Variants in GRID2 observed in about 807,000 individuals in gnomAD.
GRID2 encodes glutamate ionotropic receptor delta type subunit 2.
Under a neutral mutation model 114.8 loss-of-function variants are expected in GRID2, and 33 were observed. The observed-to-expected ratio is 0.29, with a 90% CI of 0.22 to 0.38. The LOEUF (loss-of-function observed/expected upper bound fraction) is 0.38. GRID2 is among the 10% of genes least tolerant of loss of function. GRID2 has a pLI of 1.00. For missense variants in GRID2, 1,184 were observed against 1,257.7 expected, an observed-to-expected ratio of 0.94 and a Z score of 0.89; for synonymous variants, 505 against 449.9, an observed-to-expected ratio of 1.12 and a Z score of -1.55.
chr4:92,845,902 C>A (rs573076317), intron 2 of GRID2, among the ~76,000 whole-genome samples: 1 of 152,180 alleles, frequency 6.6e-6, no homozygotes, highest in South Asian at 2.1e-4. Context: ...ATGTCTCTTC[C>A]ATTTTATGGT....
chr4:92,621,444 A>T (rs1422529832), intron 2 of GRID2, among the ~76,000 whole-genome samples: 1 of 151,848 alleles, frequency 6.6e-6, no homozygotes, highest in East Asian at 1.9e-4. Flanking sequence ...TCTCTAAGGA[A>T]AAATGATTAT....
chr4:92,434,177 A>G (rs1315660390), intron 1 of GRID2, among the ~76,000 whole-genome samples: 4 of 152,148 alleles, frequency 2.6e-5, no homozygotes, highest in African/African-American at 4.8e-5. Flanking sequence ...ACATAATACA[A>G]TTATTCTCAG....
At position 92,844,517 on chromosome 4, in the gene GRID2, C is replaced by T. The variant is rs141916205; in HGVS notation, c.245-240478C>T. ...TCATGCCACTGCACTCCAACCTGGG[C>T]GACAGAGTGAGACTCTGTCTCTAAT... On this transcript the variant is annotated intron_variant, in intron 2 of 15. Transcript: ENST00000282020. Among the ~76,000 whole-genome samples, 917 of 151,968 alleles carry T rather than the reference C, an allele frequency of 6.0e-3. 16 individuals are homozygous for T. The highest frequency in any genetic ancestry group is 0.021 in the African/African-American group (858 of 41,470).
intron 14 of GRID2, among the ~76,000 whole-genome samples, chr4:93,755,616 G>T (rs1207514294): frequency 6.6e-6 from 1 of 152,120 alleles, no homozygotes; most frequent in Non-Finnish European, 1.5e-5. Context: ...TAAGGAAATA[G>T]TGTTAACATA....
chr4:93,239,434 C>T (rs941176573), intron 8 of GRID2, among the ~76,000 whole-genome samples: 1 of 151,074 alleles, frequency 6.6e-6, no homozygotes, highest in Admixed American at 6.6e-5. Flanking sequence ...AAATTTCTAA[C>T]TGTCTAAAGT....
At chr4:93,019,510 C>A (rs1388476725) in intron 2 of GRID2, among the ~76,000 whole-genome samples, 2 of 152,102 alleles carry the variant, frequency 1.3e-5, no homozygotes, top group East Asian at 3.9e-4. Context: ...CAAAAATGAT[C>A]TACATTTTGG....
intron 2 of GRID2, among the ~76,000 whole-genome samples, chr4:92,782,138 A>G (rs1043217796): frequency 8.6e-5 from 13 of 152,044 alleles, no homozygotes; most frequent in African/African-American, 3.1e-4. Flanking sequence ...AATGCATCAT[A>G]TTTAGATATG....
chr4:93,553,827 T>C (rs887098368), intron 13 of GRID2, among the ~76,000 whole-genome samples: 1 of 152,214 alleles, frequency 6.6e-6, no homozygotes, highest in Non-Finnish European at 1.5e-5. Context: ...ATTTTTACTA[T>C]CTATGTTTCT....
intron 8 of GRID2, among the ~76,000 whole-genome samples, chr4:93,267,940 T>TAG (rs959316958): frequency 2.6e-5 from 4 of 152,116 alleles, no homozygotes; most frequent in Non-Finnish European, 5.9e-5. Context: ...ACTCCCCAAG[T>TAG]CAGATCTGGG....
At chr4:92,567,790 A>C (rs1727406563) in intron 1 of GRID2, among the ~76,000 whole-genome samples, 1 of 152,066 alleles carries the variant, frequency 6.6e-6, no homozygotes, top group Non-Finnish European at 1.5e-5. Context: ...TCAATCATAT[A>C]ATCGTATTTT....
intron 11 of GRID2, among the ~76,000 whole-genome samples, chr4:93,460,606 G>A (rs1723648805): frequency 6.6e-6 from 1 of 152,010 alleles, no homozygotes; most frequent in South Asian, 2.1e-4. Flanking sequence ...CTCCACCTGA[G>A]TCCTTTGAAT....
At chr4:92,908,891 T>C (rs1251272073) in intron 2 of GRID2, among the ~76,000 whole-genome samples, 1 of 152,146 alleles carries the variant, frequency 6.6e-6, no homozygotes, top group African/African-American at 2.4e-5. Flanking sequence ...TCCTTATATC[T>C]TCATCAATTG....
At chr4:93,431,647 C>T (rs1327820931) in intron 10 of GRID2, among the ~76,000 whole-genome samples, 1 of 151,868 alleles carries the variant, frequency 6.6e-6, no homozygotes, top group Non-Finnish European at 1.5e-5. Context: ...AAATGACATG[C>T]ATATGTATTA....
chr4:93,131,035 A>G (rs1288114021), intron 4 of GRID2, among the ~76,000 whole-genome samples: 3 of 152,110 alleles, frequency 2.0e-5, no homozygotes, highest in Non-Finnish European at 4.4e-5. Flanking sequence ...TTCTTAAAAC[A>G]TAAATGAAAG....
intron 1 of GRID2, among the ~76,000 whole-genome samples, chr4:92,581,403 G>C (rs1232038698): frequency 6.6e-6 from 1 of 151,972 alleles, no homozygotes; most frequent in Non-Finnish European, 1.5e-5. Context: ...CAGCTTACCT[G>C]TTCCTTAGGC....
At chr4:93,257,997 TATACACACACAC>T (rs1487287069) in intron 8 of GRID2, among the ~76,000 whole-genome samples, 24 of 16,628 alleles carry the variant, frequency 1.4e-3, no homozygotes, top group African/African-American at 6.5e-3. Context: ...TATATATATA[TATACACACACAC>T]ACACACACAC....
chr4:92,863,007 A>G (rs115153563), intron 2 of GRID2, among the ~76,000 whole-genome samples: 2,027 of 152,122 alleles, frequency 0.013, 32 homozygotes, highest in African/African-American at 0.046. Flanking sequence ...CTCGGCACTT[A>G]CCCATTTAGT....
intron 13 of GRID2, among the ~76,000 whole-genome samples, chr4:93,608,296 C>CTTTTTTTTTTTTTTTTTTTTTTT (rs774334616): frequency 8.5e-6 from 1 of 117,016 alleles, no homozygotes; most frequent in African/African-American, 3.4e-5. Context: ...ATTTTTTTTT[C>CTTTTTTTTTTTTTTTTTTTTTTT]TTTTTTTTTT....
At chr4:93,593,801 T>C (rs888341659) in intron 13 of GRID2, among the ~76,000 whole-genome samples, 9 of 152,184 alleles carry the variant, frequency 5.9e-5, no homozygotes, top group Non-Finnish European at 1.2e-4. Flanking sequence ...TCATTTCATT[T>C]ATTTCATCTT....
Sources: gnomAD v4.1 joint callset for allele counts (sites outside exome capture counted in the v4.1 genomes callset) on GRCh38, gnomAD v4.1.1 for gene constraint, MANE v1.5 for transcripts, NCBI Gene and HGNC (gene_info 2026-07-23, HGNC 2026-07-21) for gene names.